The following ZNF233 variants were observed in gnomAD, a reference collection of about 807,000 sequenced individuals.
ZNF233 encodes the protein zinc finger protein 233.
A neutral mutation model predicts 11.6 loss-of-function variants in ZNF233; 7 were observed. That is an observed-to-expected ratio of 0.60 (90% CI 0.34 to 1.13). The LOEUF (loss-of-function observed/expected upper bound fraction) is 1.13, where lower values mean the gene tolerates loss of function less well. Ranked by LOEUF, ZNF233 falls within the 50% of genes most tolerant of loss-of-function variation. The pLI, the probability that ZNF233 is intolerant of heterozygous loss-of-function variation, is 0.03. For missense variants in ZNF233, 711 were observed against 785.5 expected (o/e 0.91, Z 1.13); for synonymous variants, 226 against 268.5 (o/e 0.84, Z 1.55).
chr19:44,264,477 A>T, intron 2 of ZNF233, 102 bp downstream of exon 2: 1 of 1,131,362 alleles, frequency 8.8e-7, no homozygotes, highest in Non-Finnish European at 1.3e-6. Context: ...GGAGGAAAAC[A>T]GGTATTTGGA....
chr19:44,263,873 C>T (rs144496903), intron 1 of ZNF233, among the ~76,000 whole-genome samples: 1,576 of 152,300 alleles, frequency 0.01, 13 homozygotes, highest in Middle Eastern at 0.02. Context: ...ATCAGTTATA[C>T]GAGTTTCCAT....
At chr19:44,267,479 G>C in intron 4 of ZNF233, 1 of 397,732 alleles carries the variant, frequency 2.5e-6, no homozygotes, top group Non-Finnish European at 4.4e-6. Flanking sequence ...AGCCTCCTGA[G>C]TAGCTGGGAT....
intron 1 of ZNF233, among the ~76,000 whole-genome samples, chr19:44,260,521 G>A (rs1037790022): frequency 4.6e-5 from 7 of 152,170 alleles, no homozygotes; most frequent in Non-Finnish European, 8.8e-5. Context: ...GGGGACGGGG[G>A]TGTCAATTTT....
chr19:44,267,131 C>G (rs750368015), intron 4 of ZNF233, 170 bp downstream of exon 4: 1 of 513,842 alleles, frequency 1.9e-6, no homozygotes, highest in Non-Finnish European at 3.5e-6. Context: ...CCATTCTCCA[C>G]ATAGCCAGAT....
intron 4 of ZNF233, among the ~76,000 whole-genome samples, chr19:44,272,463 G>A (rs1005968149): frequency 1.3e-5 from 2 of 151,814 alleles, no homozygotes; most frequent in African/African-American, 2.4e-5. Flanking sequence ...GTCTGGGTGC[G>A]GTGGCTCACA....
In ZNF233 at chr19:44,268,951, C is replaced by T. The variant is rs550805907; in HGVS notation, c.238+1990C>T. Reference sequence around the variant, plus strand: ...ACAAACAAAAAAAGCAAACCAAAAGCCCAGGAGAATCTCTCTGCTTATCTG... The same window carrying T: ...ACAAACAAAAAAAGCAAACCAAAAGTCCAGGAGAATCTCTCTGCTTATCTG... On this transcript the variant is annotated intron_variant, in intron 4 of 4. Coordinates refer to ENST00000683810, the MANE Select transcript of ZNF233 (RefSeq NM_001207005.2). Among the ~76,000 whole-genome samples the T allele has an allele frequency of 2.0e-5, 3 of 152,254 alleles. No homozygotes were observed. The South Asian group carries it at 6.2e-4, about 32-fold the overall frequency.
rs1361679600 is a variant in ZNF233, at chr19:44,266,952, G to A, written c.229G>A (p.Gly77Arg). ...GATGGAGACAGAAATCCAAGGAGAT[G>A]GGTGTTCAGGTGAGAACCATGGAGC... Reference protein sequence around the residue: ...RMMETEIQGDGCSGHKNQNEI... With the variant: ...RMMETEIQGDRCSGHKNQNEI... Residue 77 changes from glycine (G) to arginine (R), a missense_variant, in exon 4 of 5, where the codon GGG becomes AGG. By Grantham distance (125) the Gly-to-Arg change is moderately radical. Transcript: ENST00000683810. 1.2e-5 allele frequency: 19 copies of A among 1,613,256 alleles called. No individual in the cohort carries two copies. The highest frequency in any genetic ancestry group is 6.7e-5 in the Admixed American group (4 of 59,972).
chr19:44,268,663 A>G (rs1011914823), intron 4 of ZNF233, among the ~76,000 whole-genome samples: 1 of 152,162 alleles, frequency 6.6e-6, no homozygotes, highest in Admixed American at 6.5e-5. Flanking sequence ...ATAGTACTGT[A>G]ATGGCTCCCT....
In ZNF233 at chr19:44,274,642, CGTTGTCTTCAG is replaced by C. The variant is rs1568638185; in HGVS notation, c.1983_1993del (p.Leu662PhefsTer25). ...TGTGGTAAGGGCTTTAGTAAGAGTT[CGTTGTCTTCAG>C]ATTCATCAGAGAGTCCATGATGGTG... On this transcript the variant is annotated frameshift_variant, in exon 5 of 5. Transcript: ENST00000683810. LOFTEE classifies it low-confidence loss of function (END_TRUNC). 11 of 1,607,102 alleles carry C rather than the reference CGTTGTCTTCAG, an allele frequency of 6.8e-6. No individual in the cohort carries two copies. The highest frequency in any genetic ancestry group is 6.7e-5 in the Admixed American group (4 of 59,562).
At position 44,264,381 on chromosome 19, in the gene ZNF233, T is replaced by C. The variant is rs1163290744; in HGVS notation, c.15+6T>C. The stretch of plus-strand genomic sequence containing the variant: ...AGAAAATGACCAAGTTTCAGGTGAG[T>C]TGAGTTTTGATTTTTATCTCTTAAA... On this transcript the variant is annotated splice_donor_region_variant and intron_variant, in intron 2 of 4. Transcript: ENST00000683810. 2.5e-6 allele frequency: 4 copies of C among 1,612,242 alleles called. No homozygotes were observed. The highest frequency in any genetic ancestry group is 2.2e-5 in the East Asian group (1 of 44,722).
rs554018291 is a variant in ZNF233 at position 44,260,135 on chromosome 19, T to TC, written c.-48+198dup. 2.4e-3 allele frequency: 583 copies of TC among 246,612 alleles called. 7 individuals carry two copies. The highest frequency in any genetic ancestry group is 0.013 in the African/African-American group (555 of 42,748). The allele number at this position is 246,612 out of a possible 1,614,324, so 15.3% of individuals were successfully genotyped here. A position where few individuals can be genotyped will look rare whatever the true frequency, so the allele number is the denominator to read the frequency against. On this transcript the variant is annotated intron_variant, in intron 1 of 4. Coordinates refer to ENST00000683810, the MANE Select transcript of ZNF233 (RefSeq NM_001207005.2). ...CCTGGTCGCACGTTTGGTTTGAAGGTCTCCCGGGCGCTCAAGTTCCCTCGC... is the reference window on the plus strand; with the variant it reads ...CCTGGTCGCACGTTTGGTTTGAAGGTCCTCCCGGGCGCTCAAGTTCCCTCGC...
At chr19:44,266,131 T>C in intron 2 of ZNF233, 67 bp from the exon 3 acceptor site, 1 of 1,498,672 alleles carries the variant, frequency 6.7e-7, no homozygotes, top group South Asian at 1.3e-5. Flanking sequence ...TTCTACCTGC[T>C]CAGTGCTGCC....
At chr19:44,269,180 A>T (rs1400191811) in intron 4 of ZNF233, among the ~76,000 whole-genome samples, 1 of 150,494 alleles carries the variant, frequency 6.6e-6, no homozygotes, top group Non-Finnish European at 1.5e-5. Flanking sequence ...TTTGTGTATA[A>T]ACCTAAAACT....
In ZNF233 at chr19:44,259,898, T is replaced by G. The variant is rs769999004; in HGVS notation, c.-88T>G. On this transcript the variant is annotated 5_prime_UTR_variant, in exon 1 of 5. Transcript: ENST00000683810. ...CCGTTGCAACCTTGTGTACTTCCGCTGCAGGAGGGCGAAGCAGCCGTCATC... is the reference window on the plus strand; with the variant it reads ...CCGTTGCAACCTTGTGTACTTCCGCGGCAGGAGGGCGAAGCAGCCGTCATC... The G allele has an allele frequency of 6.6e-6, 3 of 456,174 alleles. No individual in the cohort carries two copies. Among genetic ancestry groups the G allele is most frequent in the Admixed American group, 2.4e-5 (1 of 42,512 alleles). 28.3% of individuals were successfully genotyped at this position (456,174 alleles called of 1,614,324 possible). A position where few individuals can be genotyped will look rare whatever the true frequency, so the allele number is the denominator to read the frequency against.
In ZNF233 at chr19:44,274,271, A is replaced by C. The variant is rs1975331121; in HGVS notation, c.1611A>C (p.Lys537Asn). The change falls in exon 5 of 5, where the codon AAA (lysine) becomes AAC (asparagine). Residue 537 changes from lysine (K) to asparagine (N), a missense_variant. Coordinates refer to ENST00000683810, the MANE Select transcript of ZNF233 (RefSeq NM_001207005.2). ...QRVHKGEKPY[K>N]CETCGKGFSQ... ...TTCACAAAGGAGAGAAGCCATACAA[A>C]TGTGAGACATGTGGGAAGGGCTTTA... The C allele has an allele frequency of 6.2e-7, 1 of 1,611,216 alleles. No homozygotes were observed. The highest frequency in any genetic ancestry group is 8.5e-7 in the Non-Finnish European group (1 of 1,177,658).
Position 44,274,382 on chromosome 19 carries a change from T to G in ZNF233, c.1722T>G (p.Ser574Arg). The G allele has an allele frequency of 3.7e-6, 6 of 1,613,936 alleles. No individual in the cohort carries two copies. Among genetic ancestry groups the G allele is most frequent in the Non-Finnish European group, 5.1e-6 (6 of 1,179,990 alleles). Residue 574 changes from serine to arginine, a missense_variant, in exon 5 of 5, where the codon AGT (serine) becomes AGG (arginine). Coordinates refer to ENST00000683810, the MANE Select transcript of ZNF233 (RefSeq NM_001207005.2). ...GTGATGTGTGTGGGAAAGGCTTCAG[T>G]TGGAGTTCACATCTTCAAGCCCATC... ...YKCDVCGKGF[S>R]WSSHLQAHQR...
At chr19:44,270,538 C>G (rs1490630601) in intron 4 of ZNF233, among the ~76,000 whole-genome samples, 5 of 151,888 alleles carry the variant, frequency 3.3e-5, no homozygotes, top group South Asian at 2.1e-4. Flanking sequence ...AAACAAAAAC[C>G]TTAGCACCTT....
intron 4 of ZNF233, among the ~76,000 whole-genome samples, chr19:44,268,719 T>G (rs149105423): frequency 6.6e-6 from 1 of 152,040 alleles, no homozygotes; most frequent in African/African-American, 2.4e-5. Flanking sequence ...TTGGTGAGAG[T>G]TGCCTCATCC....
chr19:44,268,337 T>A (rs1471667261), intron 4 of ZNF233: 1 of 152,160 alleles, frequency 6.6e-6, no homozygotes, highest in Non-Finnish European at 1.5e-5. Context: ...TTTTACCTGT[T>A]TTCTTTTCAT....
Sources: gnomAD v4.1 joint callset for allele counts (sites outside exome capture counted in the v4.1 genomes callset) on GRCh38, gnomAD v4.1.1 for gene constraint, MANE v1.5 for transcripts, NCBI Gene and HGNC (gene_info 2026-07-23, HGNC 2026-07-21) for gene names.